Variants in EFCAB8 observed in about 807,000 individuals in gnomAD.
EFCAB8 encodes the protein EF-hand calcium binding domain 8.
In EFCAB8, 100 loss-of-function variants were observed where a neutral mutation model predicts 116.3. The ratio of observed to expected loss-of-function variants is 0.86; its 90% CI spans 0.73 to 1.02. EFCAB8 has a LOEUF of 1.02. EFCAB8 is among the 50% of genes least tolerant of loss of function. The probability of loss-of-function intolerance (pLI) is 0.00; values close to 1 mark genes in which losing one functional copy is unlikely to be tolerated. For synonymous variants in EFCAB8, 558 were observed against 567.9 expected (o/e 0.98, Z 0.25); for missense variants, 1,320 against 1,416.9 (o/e 0.93, Z 1.10).
rs754022404 is a variant in EFCAB8 at position 32,935,188 on chromosome 20, C to CTTTTTTTTTTTTTTT, written c.2790+3855_2790+3856insTTTTTTTTTTTTTTT. Among the ~76,000 whole-genome samples the CTTTTTTTTTTTTTTT allele has an allele frequency of 7.0e-4, 47 of 66,888 alleles. 1 individual carries two copies. The highest frequency in any genetic ancestry group is 1.5e-3 in the African/African-American group (20 of 12,968). 43.9% of individuals were successfully genotyped at this position (66,888 alleles called of 152,430 possible). On this transcript the variant is annotated intron_variant, in intron 22 of 26. Transcript: ENST00000400522. ...TCTCTTCTCTTTTCTTTCTTTCTTT[C>CTTTTTTTTTTTTTTT]TTTCTTTTTTTTTTTTTTTTTTTTT... is the stretch of plus-strand genomic sequence containing the variant.
At chr20:32,866,527 T>C (rs1279082400) in intron 2 of EFCAB8, among the ~76,000 whole-genome samples, 1 of 151,646 alleles carries the variant, frequency 6.6e-6, no homozygotes, top group Non-Finnish European at 1.5e-5. Context: ...TGGGGAAGGC[T>C]TCTGGGGGGA....
chr20:32,896,708 C>G (rs889424562), intron 10 of EFCAB8, among the ~76,000 whole-genome samples, 181 bp downstream of exon 10: 1 of 152,252 alleles, frequency 6.6e-6, no homozygotes, highest in Non-Finnish European at 1.5e-5. Flanking sequence ...GACCACATCT[C>G]TGTGGCCATG....
intron 16 of EFCAB8, among the ~76,000 whole-genome samples, chr20:32,912,147 G>A (rs551030089): frequency 3.7e-4 from 56 of 152,230 alleles, no homozygotes; most frequent in African/African-American, 1.3e-3. Context: ...CTCAGAAAGT[G>A]TACTTAGCTG....
At chr20:32,878,845 A>G in intron 5 of EFCAB8, 38 bp downstream of exon 5, 1 of 1,522,272 alleles carries the variant, frequency 6.6e-7, no homozygotes, top group Non-Finnish European at 8.9e-7. Flanking sequence ...GGGTGGGGTG[A>G]CTGGACAAGT....
intron 6 of EFCAB8, among the ~76,000 whole-genome samples, chr20:32,888,152 C>T (rs376549919): frequency 1.3e-5 from 2 of 152,142 alleles, no homozygotes; most frequent in South Asian, 4.2e-4. Flanking sequence ...CAGCCTCAAC[C>T]TCCTGGGGTC....
intron 5 of EFCAB8, 60 bp from the exon 6 acceptor site, chr20:32,885,444 AG>A (rs1202066974): frequency 1.3e-6 from 2 of 1,542,010 alleles, no homozygotes; most frequent in African/African-American, 2.8e-5. Context: ...GTTCTGCCGC[AG>A]GTGCCCCCTC....
chr20:32,939,283 T>C (rs1426054602), intron 22 of EFCAB8, among the ~76,000 whole-genome samples: 1 of 137,276 alleles, frequency 7.3e-6, no homozygotes. Context: ...TCTCCTTTTT[T>C]TTTTTGTTTT....
chr20:32,943,094 C>T (rs117394865), intron 22 of EFCAB8, among the ~76,000 whole-genome samples: 228 of 152,250 alleles, frequency 1.5e-3, no homozygotes, highest in Non-Finnish European at 2.7e-3. Flanking sequence ...TAGTTTTATT[C>T]TCTCAGTGTA....
chr20:32,879,593 A>G (rs900297519), intron 5 of EFCAB8, among the ~76,000 whole-genome samples: 3 of 152,180 alleles, frequency 2.0e-5, no homozygotes, highest in Non-Finnish European at 4.4e-5. Context: ...CCCCTAAGAA[A>G]CAGATAACCT....
chr20:32,902,853 G>A (rs1050948591), intron 11 of EFCAB8, among the ~76,000 whole-genome samples: 1 of 152,176 alleles, frequency 6.6e-6, no homozygotes, highest in Non-Finnish European at 1.5e-5. Flanking sequence ...CAGATGGTTC[G>A]AGCCAGGAGC....
intron 5 of EFCAB8, 65 bp downstream of exon 5, chr20:32,878,872 A>C: frequency 3.7e-6 from 5 of 1,361,556 alleles, no homozygotes; most frequent in Non-Finnish European, 5.1e-6. Context: ...GCCAGCCTGC[A>C]GTGAGCCCCT....
intron 20 of EFCAB8, among the ~76,000 whole-genome samples, chr20:32,926,026 G>A (rs1987655867): frequency 6.6e-6 from 1 of 152,212 alleles, no homozygotes; most frequent in Admixed American, 6.5e-5. Flanking sequence ...TTCTCACTGT[G>A]AGCACCGGAT....
chr20:32,921,586 G>A (rs1987458253), intron 20 of EFCAB8, among the ~76,000 whole-genome samples: 2 of 151,926 alleles, frequency 1.3e-5, no homozygotes, highest in South Asian at 4.2e-4. Flanking sequence ...AATAAAAAAG[G>A]AAGTGTATGT....
intron 15 of EFCAB8, among the ~76,000 whole-genome samples, chr20:32,910,797 A>G (rs867924635): frequency 4.3e-5 from 6 of 138,308 alleles, no homozygotes; most frequent in African/African-American, 1.7e-4. Context: ...CTGGAGTGCA[A>G]TGGGACCTTG....
chr20:32,925,499 G>A (rs573768965), intron 20 of EFCAB8, among the ~76,000 whole-genome samples: 14 of 152,342 alleles, frequency 9.2e-5, no homozygotes, highest in South Asian at 4.1e-4. Flanking sequence ...CATTACAGGC[G>A]TAAGCCACCA....
At chr20:32,938,209 G>A (rs372892250) in intron 22 of EFCAB8, among the ~76,000 whole-genome samples, 11 of 149,774 alleles carry the variant, frequency 7.3e-5, no homozygotes, top group Middle Eastern at 3.4e-3. Context: ...AAAAACAAAA[G>A]CCATATGATT....
At chr20:32,953,095 C>G (rs1282195475) in intron 23 of EFCAB8, among the ~76,000 whole-genome samples, 1 of 152,232 alleles carries the variant, frequency 6.6e-6, no homozygotes, top group Non-Finnish European at 1.5e-5. Flanking sequence ...TGACTGGCAT[C>G]TTTCACTTAG....
chr20:32,884,405 A>G (rs2146200639), intron 5 of EFCAB8, among the ~76,000 whole-genome samples: 1 of 152,246 alleles, frequency 6.6e-6, no homozygotes, highest in East Asian at 1.9e-4. Flanking sequence ...CTATCATCCC[A>G]TTCTGCACAG....
chr20:32,953,517 A>T (rs1173282638), intron 23 of EFCAB8, among the ~76,000 whole-genome samples: 1 of 152,118 alleles, frequency 6.6e-6, no homozygotes, highest in Admixed American at 6.5e-5. Context: ...TTTTTGTTTG[A>T]AACAGCCATT....
Sources: allele counts gnomAD v4.1 joint callset (sites outside exome capture counted in the v4.1 genomes callset), GRCh38; gene constraint gnomAD v4.1.1; transcripts MANE v1.5; gene names NCBI Gene and HGNC (gene_info 2026-07-23, HGNC 2026-07-21).